ZNF697: variants seen among roughly 807,000 people sequenced by gnomAD.
ZNF697 encodes zinc finger protein 697.
In ZNF697, 23 loss-of-function variants were observed where a neutral mutation model predicts 32.4. The observed-to-expected ratio is 0.71, with a 90% CI of 0.51 to 1.01. ZNF697 has a LOEUF of 1.01. ZNF697 is among the 50% of genes least tolerant of loss of function. The pLI is 0.00. For missense variants in ZNF697, 930 were observed against 794.0 expected, an observed-to-expected ratio of 1.17 and a Z score of -2.06; for synonymous variants, 418 against 337.2, an observed-to-expected ratio of 1.24 and a Z score of -2.62.
At chr1:119,636,196 G>C (rs1464925973) in intron 1 of ZNF697, among the ~76,000 whole-genome samples, 1 of 152,124 alleles carries the variant, frequency 6.6e-6, no homozygotes, top group East Asian at 1.9e-4. Context: ...CTTGCAAATA[G>C]AGTAATGGTA....
intron 1 of ZNF697, among the ~76,000 whole-genome samples, chr1:119,642,298 G>A (rs587614211): frequency 1.5e-4 from 23 of 152,310 alleles, no homozygotes; most frequent in South Asian, 4.1e-4. Context: ...GTAGATACCC[G>A]TCATTATACA....
chr1:119,633,495 G>A (rs1314646326), intron 1 of ZNF697, among the ~76,000 whole-genome samples: 1 of 152,026 alleles, frequency 6.6e-6, no homozygotes, highest in Admixed American at 6.6e-5. Flanking sequence ...CTGACAGGCT[G>A]GAGACCCAAG....
In ZNF697 at chr1:119,622,681, G is replaced by C. The variant is rs201661121; in HGVS notation, c.*24C>G. 52 of 1,486,436 alleles carry C rather than the reference G, an allele frequency of 3.5e-5. No individual in the cohort carries two copies. Among genetic ancestry groups the C allele is most frequent in the Non-Finnish European group, 4.1e-5 (46 of 1,116,176 alleles). The allele number at this position is 1,486,436 out of a possible 1,614,324, so 92.1% of individuals were successfully genotyped here. On this transcript the variant is annotated 3_prime_UTR_variant, in exon 3 of 3. Transcript: ENST00000421812. ...TCTACCCCCCACAGGCTCCCCAGAC[G>C]GCAGCCTCCCGCGGACCCAGCCCCT...
At chr1:119,624,997 A>C in intron 2 of ZNF697, among the ~76,000 whole-genome samples, 1 of 146,158 alleles carries the variant, frequency 6.8e-6, no homozygotes, top group East Asian at 2.0e-4. Flanking sequence ...GGAGGGGGAT[A>C]GTAGTGGGGA....
Position 119,624,205 on chromosome 1 carries a change from TC to T in ZNF697, c.227-90del. 4 of 1,420,332 alleles carry T rather than the reference TC, an allele frequency of 2.8e-6. No individual in the cohort carries two copies. The South Asian group carries it at 6.2e-5, about 22-fold the overall frequency. The allele number at this position is 1,420,332 out of a possible 1,614,324, so 88.0% of individuals were successfully genotyped here. On this transcript the variant is annotated intron_variant, in intron 2 of 2. Coordinates refer to ENST00000421812, the MANE Select transcript of ZNF697 (RefSeq NM_001080470.2). ...GGAAACCTCAGTAATAAAACTGTGA[TC>T]CCCTCCCTCAGGCACTCTGGATCCC...
At chr1:119,643,835 C>T (rs1195159700) in intron 1 of ZNF697, among the ~76,000 whole-genome samples, 1 of 152,214 alleles carries the variant, frequency 6.6e-6, no homozygotes, top group African/African-American at 2.4e-5. Context: ...CAGTGGTCTG[C>T]TCTGGCATAT....
intron 1 of ZNF697, among the ~76,000 whole-genome samples, chr1:119,638,382 T>G (rs1479580988): frequency 6.6e-6 from 1 of 152,246 alleles, no homozygotes; most frequent in South Asian, 2.1e-4. Flanking sequence ...ATCAGCTATG[T>G]ATTTCTACCT....
rs753728174 is a variant in ZNF697 at position 119,624,093 on chromosome 1, C to T, written c.250G>A (p.Gly84Ser). ...CTEGQLSEEE[G>S]VSVRGEEDDQ... Reference sequence around the variant, plus strand: ...TCCTCTTCCCCACGGACAGAAACGCCTTCTTCCTCACTCAGCTGCCCCTCT... The same window carrying T: ...TCCTCTTCCCCACGGACAGAAACGCTTTCTTCCTCACTCAGCTGCCCCTCT... The change falls in exon 3 of 3, where the codon GGC (glycine) becomes AGC (serine). Residue 84 changes from glycine (G) to serine (S), a missense_variant. Physicochemically the swap from Gly to Ser is moderately conservative, Grantham distance 56. Coordinates refer to ENST00000421812, the MANE Select transcript of ZNF697 (RefSeq NM_001080470.2). 19 of 1,586,198 alleles carry T rather than the reference C, an allele frequency of 1.2e-5. No individual in the cohort carries two copies. Among genetic ancestry groups the T allele is most frequent in the Non-Finnish European group, 1.5e-5 (17 of 1,163,758 alleles).
Position 119,625,899 on chromosome 1 carries a change from C to T in ZNF697, c.202G>A (p.Glu68Lys), listed in dbSNP as rs779659499. Residue 68 changes from glutamate (E) to lysine (K), a missense_variant, in exon 2 of 3, where the codon GAA becomes AAA. Glu to Lys is a moderately conservative substitution (Grantham distance 56). Transcript: ENST00000421812. ...GSNPQDSRHR[E>K]AVPDICTEGQ... ...CCTGTGCAGATGTCGGGCACTGCTT[C>T]CCTGTGCCTTGAGTCCTGTGGGTTG... 8.1e-6 allele frequency: 13 copies of T among 1,613,602 alleles called. 1 individual carries two copies. Among genetic ancestry groups the T allele is most frequent in the Non-Finnish European group, 1.0e-5 (12 of 1,179,808 alleles).
chr1:119,626,287 A>T lies in ZNF697; in HGVS notation c.-37-150T>A. ...TTCACTCCACATTTTAAAGTAAACAAGTGAGTGCAAAGGAGGGTGGACTGG... is the reference window on the plus strand; with the variant it reads ...TTCACTCCACATTTTAAAGTAAACATGTGAGTGCAAAGGAGGGTGGACTGG... On this transcript the variant is annotated intron_variant, in intron 1 of 2. Transcript: ENST00000421812. 3.6e-6 allele frequency: 4 copies of T among 1,113,806 alleles called. No individual in the cohort carries two copies. The South Asian group carries it at 5.0e-5, about 14-fold the overall frequency. 69.0% of individuals were successfully genotyped at this position (1,113,806 alleles called of 1,614,324 possible). A position where few individuals can be genotyped will look rare whatever the true frequency, so the allele number is the denominator to read the frequency against.
At chr1:119,635,518 C>T (rs1648895985) in intron 1 of ZNF697, among the ~76,000 whole-genome samples, 1 of 152,094 alleles carries the variant, frequency 6.6e-6, no homozygotes, top group Non-Finnish European at 1.5e-5. Context: ...ACCATTAATG[C>T]AGCAACTCTA....
intron 1 of ZNF697, among the ~76,000 whole-genome samples, chr1:119,638,842 G>A (rs1648992144): frequency 6.6e-6 from 1 of 152,146 alleles, no homozygotes; most frequent in Non-Finnish European, 1.5e-5. Context: ...ATGTGACAAG[G>A]GACAGGAGGC....
Position 119,624,128 on chromosome 1 carries a change from A to G in ZNF697, c.227-12T>C. ...ACTCAGCTGCCCCTCTGCAACAGAA[A>G]AAGGTGGCAGTGGGGGATTACTATA... On this transcript the variant is annotated splice_polypyrimidine_tract_variant and intron_variant, in intron 2 of 2. Coordinates refer to ENST00000421812, the MANE Select transcript of ZNF697 (RefSeq NM_001080470.2). 2 of 1,543,606 alleles carry G rather than the reference A, an allele frequency of 1.3e-6. No homozygotes were observed. The highest frequency in any genetic ancestry group is 1.7e-6 in the Non-Finnish European group (2 of 1,142,866).
chr1:119,636,681 C>A (rs1244047456), intron 1 of ZNF697, among the ~76,000 whole-genome samples: 1 of 152,120 alleles, frequency 6.6e-6, no homozygotes, highest in Non-Finnish European at 1.5e-5. Context: ...CAATGGAGAC[C>A]AAGAAAGGTT....
In ZNF697 at chr1:119,626,093, T is replaced by C; in HGVS notation, c.8A>G (p.Gln3Arg). The C allele has an allele frequency of 6.2e-7, 1 of 1,613,908 alleles. No homozygotes were observed. The highest frequency in any genetic ancestry group is 8.5e-7 in the Non-Finnish European group (1 of 1,179,842). Residue 3 changes from glutamine (Q) to arginine (R), a missense_variant, in exon 2 of 3, where the codon CAA (glutamine) becomes CGA (arginine). By Grantham distance (43) the Gln-to-Arg change is conservative. Coordinates refer to ENST00000421812, the MANE Select transcript of ZNF697 (RefSeq NM_001080470.2). ...TGCACAGACACCCTGATTATCTTCT[T>C]GTTTCATCCAGGAAGAAAAGAGCAA... Reference protein sequence around the residue: MKQEDNQGVCAHQ... With the variant: MKREDNQGVCAHQ...
chr1:119,635,328 GC>G lies in ZNF697; in HGVS notation c.-37-9192del, dbSNP rs372200367. ...GAGCTCATGGGAAGTGGGAGAAGGG[GC>G]AGTGGAGCAAAGATACTAATAGAAA... On this transcript the variant is annotated intron_variant, in intron 1 of 2. Coordinates refer to ENST00000421812, the MANE Select transcript of ZNF697 (RefSeq NM_001080470.2). Among the ~76,000 whole-genome samples, 36 of 152,312 alleles carry G rather than the reference GC, an allele frequency of 2.4e-4. 1 individual carries two copies. In the East Asian group the frequency reaches 6.9e-3, roughly 29 times the overall value.
At chr1:119,647,263 C>T (rs1180533398) in intron 1 of ZNF697, among the ~76,000 whole-genome samples, 1 of 152,212 alleles carries the variant, frequency 6.6e-6, no homozygotes, top group African/African-American at 2.4e-5. Context: ...CAACACGCGC[C>T]TCACCCGTGC....
intron 1 of ZNF697, among the ~76,000 whole-genome samples, chr1:119,642,408 A>T (rs1157516312): frequency 6.6e-6 from 1 of 152,226 alleles, no homozygotes; most frequent in African/African-American, 2.4e-5. Context: ...AAGTTGTACC[A>T]AATGTATCAC....
At chr1:119,624,827 G>A (rs1050966029) in intron 2 of ZNF697, among the ~76,000 whole-genome samples, 1 of 151,954 alleles carries the variant, frequency 6.6e-6, no homozygotes, top group Non-Finnish European at 1.5e-5. Flanking sequence ...TCCTGACCTC[G>A]TTTTCTGCCC....
Sources: allele counts gnomAD v4.1 joint callset (sites outside exome capture counted in the v4.1 genomes callset), GRCh38; gene constraint gnomAD v4.1.1; transcripts MANE v1.5; gene names NCBI Gene and HGNC (gene_info 2026-07-23, HGNC 2026-07-21).